The following CDH4 variants were observed in gnomAD, a reference collection of about 807,000 sequenced individuals.
CDH4 encodes the protein cadherin-4.
In CDH4, 33 loss-of-function variants were observed where a neutral mutation model predicts 86.0. The ratio of observed to expected loss-of-function variants is 0.38; its 90% confidence interval spans 0.29 to 0.51. The LOEUF (loss-of-function observed/expected upper bound fraction) is 0.51. Among genes scored for constraint, CDH4 ranks in the 20% least tolerant of loss-of-function variants. The pLI, the probability that CDH4 is intolerant of heterozygous loss-of-function variation, is 0.86. For missense variants in CDH4, 1,114 were observed against 1,307.4 expected (o/e 0.85, Z 2.28); for synonymous variants, 555 against 549.4 (o/e 1.01, Z -0.14).
At chr20:61,605,461 C>T (rs1363705576) in intron 2 of CDH4, among the ~76,000 whole-genome samples, 1 of 151,866 alleles carries the variant, frequency 6.6e-6, no homozygotes, top group Non-Finnish European at 1.5e-5. Context: ...TTCTCTGTCT[C>T]TGTCTCTCTA....
intron 2 of CDH4, among the ~76,000 whole-genome samples, chr20:61,346,546 C>T (rs35639051): frequency 0.13 from 19,965 of 152,038 alleles, 1,695 homozygotes; most frequent in East Asian, 0.32. Context: ...GAGTTCAACA[C>T]TAGCCTGGCC....
At chr20:61,420,786 T>G (rs937838703) in intron 2 of CDH4, among the ~76,000 whole-genome samples, 10 of 152,122 alleles carry the variant, frequency 6.6e-5, no homozygotes, top group African/African-American at 2.4e-4. Context: ...CAGGTGCCCA[T>G]GCACAGAGCA....
chr20:61,305,697 G>A (rs1469953861), intron 2 of CDH4, among the ~76,000 whole-genome samples: 7 of 152,278 alleles, frequency 4.6e-5, no homozygotes, highest in South Asian at 2.1e-4. Flanking sequence ...CACCGCTCAC[G>A]TGCACCTAAG....
At chr20:61,856,499 C>T (rs1330653232) in intron 6 of CDH4, among the ~76,000 whole-genome samples, 4 of 147,202 alleles carry the variant, frequency 2.7e-5, no homozygotes, top group Admixed American at 1.4e-4. Context: ...CCAGGATCCA[C>T]GAGGGCCCTG....
In CDH4 at chr20:61,626,480, CA is replaced by C. The variant is rs200867146; in HGVS notation, c.170-117082del. ...GGAGAAGCACCCGTGTTCCCGAAGT[CA>C]GTGCGTTGTGGGGGGTGGGGGTGGC... On this transcript the variant is annotated intron_variant, in intron 2 of 15. Transcript: ENST00000614565. Among the ~76,000 whole-genome samples the C allele has an allele frequency of 7.3e-3, 1,074 of 147,620 alleles. 11 individuals are homozygous for C. Among genetic ancestry groups the C allele is most frequent in the African/African-American group, 0.025 (980 of 39,334 alleles).
Position 61,383,226 on chromosome 20 carries a change from ATATATATGAATATATATGAT to A in CDH4, c.169+128305_169+128324del, listed in dbSNP as rs1448059679. On this transcript the variant is annotated intron_variant, in intron 2 of 15. Transcript: ENST00000614565. ...ATATATGAATATATATGAATATATTATATATATGAATATATATGATTATATATGAATATATGTGATATATA... is the reference window on the plus strand; with the variant it reads ...ATATATGAATATATATGAATATATTATATATATGAATATATGTGATATATA... Among the ~76,000 whole-genome samples the A allele has an allele frequency of 4.2e-5, 5 of 119,490 alleles. 1 individual carries two copies. Among genetic ancestry groups the A allele is most frequent in the Non-Finnish European group, 4.9e-5 (3 of 61,020 alleles). 78.4% of individuals were successfully genotyped at this position (119,490 alleles called of 152,430 possible). A position where few individuals can be genotyped will look rare whatever the true frequency, so the allele number is the denominator to read the frequency against.
At chr20:61,610,026 CAT>C (rs1457894940) in intron 2 of CDH4, among the ~76,000 whole-genome samples, 2 of 152,130 alleles carry the variant, frequency 1.3e-5, no homozygotes, top group Non-Finnish European at 2.9e-5. Flanking sequence ...AATTTTGAAA[CAT>C]ACAAAAAATG....
chr20:61,530,326 G>A (rs954160203), intron 2 of CDH4, among the ~76,000 whole-genome samples: 6 of 152,132 alleles, frequency 3.9e-5, no homozygotes, highest in South Asian at 2.1e-4. Context: ...CACTGCGCCC[G>A]GCCAGCATTA....
At chr20:61,541,963 C>T (rs2086042828) in intron 2 of CDH4, among the ~76,000 whole-genome samples, 1 of 152,148 alleles carries the variant, frequency 6.6e-6, no homozygotes, top group Non-Finnish European at 1.5e-5. Context: ...CTGGTTTGAG[C>T]AATGAAAGGT....
intron 9 of CDH4, among the ~76,000 whole-genome samples, chr20:61,920,651 G>A (rs373992425): frequency 2.0e-5 from 3 of 150,590 alleles, no homozygotes; most frequent in Middle Eastern, 3.7e-3. Flanking sequence ...GCATGGAAGC[G>A]TGGTGTCACA....
At chr20:61,297,546 G>A (rs774227773) in intron 2 of CDH4, among the ~76,000 whole-genome samples, 1 of 152,270 alleles carries the variant, frequency 6.6e-6, no homozygotes, top group Non-Finnish European at 1.5e-5. Context: ...TGGGGCCCCT[G>A]GGCGTGGCCC....
At chr20:61,606,484 C>T (rs2086646617) in intron 2 of CDH4, among the ~76,000 whole-genome samples, 1 of 152,198 alleles carries the variant, frequency 6.6e-6, no homozygotes, top group South Asian at 2.1e-4. Flanking sequence ...CTGACAGTCT[C>T]TCAGCTAAAA....
intron 2 of CDH4, among the ~76,000 whole-genome samples, chr20:61,690,093 A>G (rs1437180377): frequency 1.5e-5 from 2 of 135,812 alleles, no homozygotes; most frequent in African/African-American, 3.0e-5. Flanking sequence ...GGATTCTGAC[A>G]GGGACAGTGG....
At chr20:61,474,517 G>A (rs1017340197) in intron 2 of CDH4, among the ~76,000 whole-genome samples, 7 of 151,902 alleles carry the variant, frequency 4.6e-5, no homozygotes, top group Non-Finnish European at 1.0e-4. Context: ...CAAAAGAAAT[G>A]TAGTACCTTC....
At chr20:61,536,809 C>T (rs2086000819) in intron 2 of CDH4, among the ~76,000 whole-genome samples, 1 of 152,168 alleles carries the variant, frequency 6.6e-6, no homozygotes, top group South Asian at 2.1e-4. Context: ...CTACACACCC[C>T]ACAGTGACGA....
chr20:61,640,949 T>C (rs1261190710), intron 2 of CDH4, among the ~76,000 whole-genome samples: 1 of 152,202 alleles, frequency 6.6e-6, no homozygotes, highest in Non-Finnish European at 1.5e-5. Context: ...CAGCTGGGCC[T>C]GCTGTGGGAA....
intron 2 of CDH4, among the ~76,000 whole-genome samples, chr20:61,464,238 AAAGG>A (rs1329559870): frequency 6.6e-6 from 1 of 152,204 alleles, no homozygotes; most frequent in African/African-American, 2.4e-5. Context: ...GAGGGATACA[AAAGG>A]AAGGCCACAG....
chr20:61,620,069 C>G (rs1479789082), intron 2 of CDH4, among the ~76,000 whole-genome samples: 1 of 135,170 alleles, frequency 7.4e-6, no homozygotes. Context: ...CCTGTCCTCC[C>G]TGGCTTCCTG....
intron 7 of CDH4, among the ~76,000 whole-genome samples, chr20:61,881,208 A>G (rs1984259165): frequency 6.6e-6 from 1 of 152,204 alleles, no homozygotes; most frequent in South Asian, 2.1e-4. Context: ...ATGAGCCTGC[A>G]GCCCCTGAGC....
Sources: gnomAD v4.1 joint callset for allele counts (sites outside exome capture counted in the v4.1 genomes callset) on GRCh38, gnomAD v4.1.1 for gene constraint, MANE v1.5 for transcripts, NCBI Gene and HGNC (gene_info 2026-07-23, HGNC 2026-07-21) for gene names.